NRG1: variants seen among roughly 807,000 people sequenced by gnomAD.
NRG1 encodes pro-neuregulin-1, membrane-bound isoform.
NRG1 carries 18 observed loss-of-function variants against 63.8 expected under a neutral mutation model. The ratio of observed to expected loss-of-function variants is 0.28; its 90% confidence interval spans 0.19 to 0.42. The LOEUF (loss-of-function observed/expected upper bound fraction) is 0.42, where lower values mean the gene tolerates loss of function less well. Among genes scored for constraint, NRG1 ranks in the 10% least tolerant of loss-of-function variants. The pLI is 1.00. For missense variants in NRG1, 762 were observed against 814.7 expected (o/e 0.94, Z 0.79); for synonymous variants, 302 against 301.3 (o/e 1.00, Z -0.02).
At chr8:32,524,910 C>A (rs1830676171) in intron 1 of NRG1, among the ~76,000 whole-genome samples, 1 of 152,192 alleles carries the variant, frequency 6.6e-6, no homozygotes, top group Non-Finnish European at 1.5e-5. Context: ...CCTACACAGC[C>A]CTTCAAATTT....
At chr8:32,139,605 T>C (rs965254543) in intron 1 of NRG1, 3 of 152,206 alleles carry the variant, frequency 2.0e-5, no homozygotes, top group Non-Finnish European at 2.9e-5. Flanking sequence ...TATTAACATG[T>C]GCATTTGCTT....
At chr8:31,695,902 G>C (rs1318509498) in intron 1 of NRG1, among the ~76,000 whole-genome samples, 1 of 152,026 alleles carries the variant, frequency 6.6e-6, no homozygotes, top group Non-Finnish European at 1.5e-5. Context: ...GAGTTGGAAG[G>C]GACAAGTCAC....
intron 1 of NRG1, among the ~76,000 whole-genome samples, chr8:31,811,041 C>T (rs976721682): frequency 4.6e-5 from 7 of 152,140 alleles, no homozygotes; most frequent in African/African-American, 9.7e-5. Context: ...TGAGCCTCCC[C>T]GAGGCAGATG....
At chr8:32,598,514 C>G (rs564070402) in intron 2 of NRG1, among the ~76,000 whole-genome samples, 1 of 152,018 alleles carries the variant, frequency 6.6e-6, no homozygotes, top group African/African-American at 2.4e-5. Flanking sequence ...TTCATAGGTC[C>G]AGACAGCTAA....
chr8:32,696,165 A>G (rs1364490214), intron 5 of NRG1, among the ~76,000 whole-genome samples: 1 of 152,232 alleles, frequency 6.6e-6, no homozygotes, highest in Non-Finnish European at 1.5e-5. Flanking sequence ...AAATATCTTC[A>G]TCAAAACCAA....
At chr8:31,851,176 G>T (rs1235855602) in intron 1 of NRG1, among the ~76,000 whole-genome samples, 2 of 152,182 alleles carry the variant, frequency 1.3e-5, no homozygotes, top group Non-Finnish European at 2.9e-5. Context: ...AGTAGAAAGG[G>T]AAAGCCAAAT....
chr8:32,414,379 T>A (rs1815559431), intron 1 of NRG1, among the ~76,000 whole-genome samples: 1 of 152,234 alleles, frequency 6.6e-6, no homozygotes, highest in East Asian at 1.9e-4. Context: ...CCTTTGCTTT[T>A]TAGGGCAATT....
intron 1 of NRG1, among the ~76,000 whole-genome samples, chr8:31,889,626 T>C (rs910028400): frequency 1.3e-5 from 2 of 152,156 alleles, no homozygotes; most frequent in African/African-American, 4.8e-5. Context: ...GTGAGGTGAT[T>C]GGCCACAGGT....
intron 1 of NRG1, among the ~76,000 whole-genome samples, chr8:32,584,291 C>T (rs1360651841): frequency 6.6e-6 from 1 of 152,128 alleles, no homozygotes; most frequent in African/African-American, 2.4e-5. Flanking sequence ...AAATTCATGT[C>T]ACTGGGAACC....
chr8:32,432,043 A>C (rs1403231281), intron 1 of NRG1, among the ~76,000 whole-genome samples: 2 of 152,156 alleles, frequency 1.3e-5, no homozygotes, highest in Admixed American at 6.6e-5. Flanking sequence ...TAAGCAACTA[A>C]ATCCCAGGTT....
chr8:31,776,917 G>A (rs1037756434), intron 1 of NRG1, among the ~76,000 whole-genome samples: 11 of 152,158 alleles, frequency 7.2e-5, no homozygotes, highest in African/African-American at 2.7e-4. Context: ...GAGAGGATGT[G>A]GAGAAATAGG....
intron 1 of NRG1, chr8:32,441,374 G>C (rs908021959): frequency 6.6e-6 from 1 of 152,076 alleles, no homozygotes; most frequent in Admixed American, 6.6e-5. Context: ...ACCTGGGAAC[G>C]TGCTAGCCTT....
At chr8:32,750,878 T>C (rs1828594140) in intron 7 of NRG1, among the ~76,000 whole-genome samples, 1 of 152,046 alleles carries the variant, frequency 6.6e-6, no homozygotes, top group South Asian at 2.1e-4. Context: ...GGGAGCTATC[T>C]ATTGGAGTTT....
intron 1 of NRG1, among the ~76,000 whole-genome samples, chr8:32,343,806 AG>A (rs1236657657): frequency 6.6e-6 from 1 of 152,214 alleles, no homozygotes; most frequent in Non-Finnish European, 1.5e-5. Flanking sequence ...TTTGTTGAAA[AG>A]TTTAAGTCTT....
At chr8:31,839,057 T>A (rs1370469932) in intron 1 of NRG1, among the ~76,000 whole-genome samples, 2 of 152,356 alleles carry the variant, frequency 1.3e-5, no homozygotes, top group Admixed American at 6.5e-5. Flanking sequence ...ATGTTTTTAA[T>A]CAAGAATGGA....
intron 9 of NRG1, among the ~76,000 whole-genome samples, chr8:32,758,138 A>T (rs867099579): frequency 6.6e-6 from 1 of 152,226 alleles, no homozygotes; most frequent in African/African-American, 2.4e-5. Flanking sequence ...GCCTTATTTC[A>T]TCAAAGAGTA....
chr8:31,934,303 G>A (rs1254129856), intron 1 of NRG1, among the ~76,000 whole-genome samples: 2 of 150,896 alleles, frequency 1.3e-5, no homozygotes, highest in South Asian at 2.1e-4. Context: ...TGATATATAT[G>A]TGTACATGTG....
intron 5 of NRG1, among the ~76,000 whole-genome samples, chr8:32,699,908 G>A (rs1814400486): frequency 6.6e-6 from 1 of 152,136 alleles, no homozygotes; most frequent in African/African-American, 2.4e-5. Context: ...TTTATAAAAT[G>A]TTATTGACAA....
chr8:32,490,496 T>TG (rs72586963), intron 1 of NRG1, among the ~76,000 whole-genome samples: 116,083 of 151,958 alleles, frequency 0.76, 44,594 homozygotes, highest in East Asian at 0.89. Flanking sequence ...CCAGGCTTTG[T>TG]ATTCATGAAG....
Sources: allele counts gnomAD v4.1 joint callset (sites outside exome capture counted in the v4.1 genomes callset), GRCh38; gene constraint gnomAD v4.1.1; transcripts MANE v1.5; gene names NCBI Gene and HGNC (gene_info 2026-07-23, HGNC 2026-07-21).